ANKLE2: variants seen among roughly 807,000 people sequenced by gnomAD.
ANKLE2 encodes ankyrin repeat and LEM domain-containing protein 2.
Under a neutral mutation model 84.2 loss-of-function variants are expected in ANKLE2, and 55 were observed. The ratio of observed to expected loss-of-function variants is 0.65; its 90% CI spans 0.53 to 0.82. The LOEUF is 0.82. ANKLE2 is among the 40% of genes least tolerant of loss of function. The pLI is 0.00. For synonymous variants in ANKLE2, 551 were observed against 486.1 expected (o/e 1.13, Z -1.76); for missense variants, 1,238 against 1,201.9 (o/e 1.03, Z -0.44).
rs1180388187 is a variant in ANKLE2, at chr12:132,747,856, C to T, written c.1206G>A (p.Leu402=). Residue 402 remains leucine, a synonymous_variant, in exon 5 of 13, where the codon CTG becomes CTA. Coordinates refer to ENST00000357997, the MANE Select transcript of ANKLE2 (RefSeq NM_015114.3). ...LQKRIRYVVD[L]YLNTPDKMGY... ...CCATCTTGTCGGGGGTGTTGAGGTACAGGTCCACCACGTAACGGATACGCT... is the reference window on the plus strand; with the variant it reads ...CCATCTTGTCGGGGGTGTTGAGGTATAGGTCCACCACGTAACGGATACGCT... 1.2e-6 allele frequency: 2 copies of T among 1,607,106 alleles called. No homozygotes were observed. Among genetic ancestry groups the T allele is most frequent in the African/African-American group, 2.7e-5 (2 of 74,356 alleles).
At chr12:132,727,842 T>C (rs954255963) in intron 12 of ANKLE2, among the ~76,000 whole-genome samples, 190 bp downstream of exon 12, 6 of 152,164 alleles carry the variant, frequency 3.9e-5, no homozygotes, top group African/African-American at 1.4e-4. Context: ...AGCTGACCCG[T>C]TCAGCTTTTC....
In ANKLE2 at chr12:132,743,507, T is replaced by A. The variant is rs1197865362; in HGVS notation, c.1231-231A>T. 6.9e-6 allele frequency among the ~76,000 whole-genome samples: 1 copy of A among 145,332 alleles called. No individual in the cohort carries two copies. Among genetic ancestry groups the A allele is most frequent in the Non-Finnish European group, 1.5e-5 (1 of 65,768 alleles). ...GGCACCCGCCACCACACCCAGCTATTTTTTTTTTTTTTTTAATATTTAGTA... is the reference window on the plus strand; with the variant it reads ...GGCACCCGCCACCACACCCAGCTATATTTTTTTTTTTTTTAATATTTAGTA... On this transcript the variant is annotated intron_variant, in intron 5 of 12. Transcript: ENST00000357997. This position sits in a 1 kb window ranked among gnomAD's most constrained non-coding sequence, Gnocchi z 4.1.
chr12:132,728,213 G>A (rs780230325), intron 11 of ANKLE2, 50 bp from the exon 12 acceptor site: 1 of 1,593,356 alleles, frequency 6.3e-7, no homozygotes, highest in East Asian at 2.2e-5. Flanking sequence ...AAAACATAAA[G>A]ACTTCTAAAA....
chr12:132,761,766 C>G lies in ANKLE2; in HGVS notation c.33G>C (p.Trp11Cys). The G allele has an allele frequency of 8.4e-7, 1 of 1,186,810 alleles. No individual in the cohort carries two copies. The highest frequency in any genetic ancestry group is 1.0e-6 in the Non-Finnish European group (1 of 959,796). 73.5% of individuals were successfully genotyped at this position (1,186,810 alleles called of 1,614,324 possible). A position where few individuals can be genotyped will look rare whatever the true frequency, so the allele number is the denominator to read the frequency against. Residue 11 changes from tryptophan (W) to cysteine (C), a missense_variant, in exon 1 of 13, where the codon TGG (tryptophan) becomes TGC (cysteine). Trp to Cys is a radical substitution (Grantham distance 215). Around this residue, in one of 3 missense-constraint regions of ANKLE2, gnomAD observed 422 missense variants for 394.5 expected, o/e 1.07. Coordinates refer to ENST00000357997, the MANE Select transcript of ANKLE2 (RefSeq NM_015114.3). The part of the protein sequence containing the change: MLWPRLAAAE[W>C]AALAWELLGA... ...CCAGCAGCTCCCAGGCCAGCGCCGC[C>G]CACTCGGCCGCCGCCAGCCGCGGCC...
At chr12:132,748,482 G>T in intron 3 of ANKLE2, 151 bp from the exon 4 acceptor site, 1 of 805,778 alleles carries the variant, frequency 1.2e-6, no homozygotes, top group East Asian at 2.7e-5. Context: ...AGGGCCCACG[G>T]CCACCGGCCC....
At chr12:132,759,322 A>G (rs2044564905) in intron 1 of ANKLE2, 1 of 152,258 alleles carries the variant, frequency 6.6e-6, no homozygotes, top group South Asian at 2.1e-4. Context: ...GTAATTACAA[A>G]TAAAGTTGCT....
chr12:132,740,829 A>AGAGGCGAGTGGGGAGGGAATGTCCCG (rs2044105431), intron 7 of ANKLE2, among the ~76,000 whole-genome samples: 2 of 144,070 alleles, frequency 1.4e-5, no homozygotes, highest in South Asian at 2.4e-4. Flanking sequence ...CCTCTCTCCC[A>AGAGGCGAGTGGGGAGGGAATGTCCCG]GAGGCGAGTG....
chr12:132,752,062 C>T (rs944651099), intron 2 of ANKLE2, among the ~76,000 whole-genome samples: 1 of 152,166 alleles, frequency 6.6e-6, no homozygotes, highest in South Asian at 2.1e-4. Context: ...AGCCATAGTT[C>T]GGGCACGGTG....
At chr12:132,759,218 C>T (rs2044561193) in intron 1 of ANKLE2, 1 of 130,932 alleles carries the variant, frequency 7.6e-6, no homozygotes. Flanking sequence ...AGAGTGGCAC[C>T]CCGGGGCACC....
intron 9 of ANKLE2, chr12:132,734,783 G>A (rs1180180059): frequency 7.3e-6 from 4 of 550,534 alleles, no homozygotes; most frequent in African/African-American, 1.9e-5. Context: ...ACCCGGCACA[G>A]CTCTCAGGAG....
At chr12:132,741,005 C>T (rs1190434024) in intron 7 of ANKLE2, among the ~76,000 whole-genome samples, 5 of 152,148 alleles carry the variant, frequency 3.3e-5, no homozygotes. Flanking sequence ...ACACAAAAGC[C>T]AGGCCAGCCA....
intron 12 of ANKLE2, 51 bp from the exon 13 acceptor site, chr12:132,727,494 G>T: frequency 6.5e-7 from 1 of 1,544,470 alleles, no homozygotes; most frequent in South Asian, 1.2e-5. Flanking sequence ...GCCCGGAGAT[G>T]AACAGCAAAA....
chr12:132,753,616 T>A (rs1345271547), intron 2 of ANKLE2, among the ~76,000 whole-genome samples: 1 of 151,530 alleles, frequency 6.6e-6, no homozygotes, highest in Non-Finnish European at 1.5e-5. Context: ...ATACAAAAAA[T>A]AAAAAATTAG....
At chr12:132,748,392 T>C (rs2044285090) in intron 3 of ANKLE2, 61 bp from the exon 4 acceptor site, 1 of 1,579,490 alleles carries the variant, frequency 6.3e-7, no homozygotes, top group Non-Finnish European at 8.7e-7. Context: ...TCATCACCCA[T>C]GCACCCTCTG....
rs775294384 is a variant in ANKLE2, at chr12:132,730,163, C to T, written c.1999G>A (p.Gly667Ser). ...AARNNSPPTV[G>S]AFGHTRCSAF... ...CTGCACCTCGTATGTCCAAAAGCAC[C>T]GACTGTGGGCGGGCTGTTATTTCGA... Residue 667 changes from glycine (G) to serine (S), a missense_variant, in exon 11 of 13, where the codon GGT (glycine) becomes AGT (serine). This residue lies in a region of ANKLE2 where 802 missense variants were observed against 774.5 expected (regional missense o/e 1.04). Transcript: ENST00000357997. 6.8e-6 allele frequency: 11 copies of T among 1,610,290 alleles called. No homozygotes were observed. Among genetic ancestry groups the T allele is most frequent in the South Asian group, 2.2e-5 (2 of 91,046 alleles).
intron 1 of ANKLE2, chr12:132,760,121 G>A (rs569803754): frequency 4.8e-5 from 6 of 125,102 alleles, no homozygotes; most frequent in East Asian, 2.3e-4. Context: ...GCCACAGGGC[G>A]AGACTACATT....
At chr12:132,751,863 G>T (rs985232041) in intron 2 of ANKLE2, among the ~76,000 whole-genome samples, 1 of 151,952 alleles carries the variant, frequency 6.6e-6, no homozygotes, top group Non-Finnish European at 1.5e-5. Flanking sequence ...TTTTAAACAT[G>T]CCAAGAAACC....
chr12:132,746,899 G>A (rs2136155207), intron 5 of ANKLE2, among the ~76,000 whole-genome samples: 1 of 152,242 alleles, frequency 6.6e-6, no homozygotes, highest in African/African-American at 2.4e-5. Flanking sequence ...CTCAAGCAGG[G>A]CAGCTCCCCT....
intron 10 of ANKLE2, among the ~76,000 whole-genome samples, chr12:132,732,899 CGT>C (rs2043911849): frequency 1.4e-5 from 2 of 139,770 alleles, no homozygotes; most frequent in African/African-American, 2.7e-5. Context: ...TGAAATGCAC[CGT>C]GTGAAGCGCT....
Sources: allele counts gnomAD v4.1 joint callset (sites outside exome capture counted in the v4.1 genomes callset), GRCh38; gene constraint gnomAD v4.1.1; regional missense constraint gnomAD v4.1.1; non-coding constraint Gnocchi (gnomAD v3.1); transcripts MANE v1.5; gene names NCBI Gene and HGNC (gene_info 2026-07-23, HGNC 2026-07-21).